The following ZSWIM5 variants were observed in gnomAD, a reference collection of about 807,000 sequenced individuals.
The protein encoded by ZSWIM5 is zinc finger SWIM domain-containing protein 5.
Under a neutral mutation model 119.6 loss-of-function variants are expected in ZSWIM5, and 55 were observed. The ratio of observed to expected loss-of-function variants is 0.46; its 90% CI spans 0.37 to 0.58. ZSWIM5 has a LOEUF of 0.58. Ranked by LOEUF, ZSWIM5 falls within the 20% of genes least tolerant of loss-of-function variation. ZSWIM5 has a pLI of 0.00. For missense variants in ZSWIM5, 1,193 were observed against 1,512.8 expected, an observed-to-expected ratio of 0.79 and a Z score of 3.51; for synonymous variants, 537 against 606.9, an observed-to-expected ratio of 0.88 and a Z score of 1.69.
chr1:45,172,586 G>A (rs1447203432), intron 1 of ZSWIM5, among the ~76,000 whole-genome samples: 1 of 152,022 alleles, frequency 6.6e-6, no homozygotes, highest in Admixed American at 6.6e-5. Flanking sequence ...CCTTAGACAA[G>A]ACAATAACAT....
chr1:45,131,724 C>CAAAAAAAAA, intron 1 of ZSWIM5, among the ~76,000 whole-genome samples: 1 of 74,200 alleles, frequency 1.3e-5, no homozygotes, highest in Non-Finnish European at 2.7e-5. Context: ...GACTCTGTCT[C>CAAAAAAAAA]AAAAAAAAAA....
intron 1 of ZSWIM5, among the ~76,000 whole-genome samples, chr1:45,097,287 C>T (rs1259840561): frequency 6.6e-6 from 1 of 152,188 alleles, no homozygotes; most frequent in African/African-American, 2.4e-5. Context: ...TCTGTTTGGA[C>T]ATGTGTGACA....
At chr1:45,178,201 G>A (rs532524795) in intron 1 of ZSWIM5, among the ~76,000 whole-genome samples, 59 of 152,044 alleles carry the variant, frequency 3.9e-4, no homozygotes, top group African/African-American at 8.2e-4. Context: ...TGAGGCAAGC[G>A]GATCACCTGA....
At chr1:45,096,950 G>A (rs2149015835) in intron 1 of ZSWIM5, among the ~76,000 whole-genome samples, 1 of 152,232 alleles carries the variant, frequency 6.6e-6, no homozygotes, top group South Asian at 2.1e-4. Flanking sequence ...CCTTCAACGT[G>A]CTCCAAGTGC....
intron 2 of ZSWIM5, among the ~76,000 whole-genome samples, chr1:45,079,940 G>T (rs551358229): frequency 6.6e-6 from 1 of 152,214 alleles, no homozygotes; most frequent in African/African-American, 2.4e-5. Context: ...GCCTGGAAAG[G>T]GGGCTTCATG....
intron 4 of ZSWIM5, among the ~76,000 whole-genome samples, 180 bp downstream of exon 4, chr1:45,058,429 T>C (rs1645134888): frequency 6.6e-6 from 1 of 152,218 alleles, no homozygotes; most frequent in African/African-American, 2.4e-5. Flanking sequence ...CAAAGCACAA[T>C]GCTGTGGAAG....
At chr1:45,086,698 G>A (rs1410127413) in intron 2 of ZSWIM5, among the ~76,000 whole-genome samples, 1 of 151,848 alleles carries the variant, frequency 6.6e-6, no homozygotes, top group East Asian at 1.9e-4. Context: ...GAGTTAATGG[G>A]TGCAGCAAAC....
intron 2 of ZSWIM5, among the ~76,000 whole-genome samples, chr1:45,086,238 G>T (rs1645329380): frequency 6.6e-6 from 1 of 152,088 alleles, no homozygotes; most frequent in Non-Finnish European, 1.5e-5. Context: ...GAACAGAGAG[G>T]GGGAAATCTG....
intron 2 of ZSWIM5, among the ~76,000 whole-genome samples, chr1:45,068,903 C>T (rs1645202922): frequency 7.0e-6 from 1 of 142,330 alleles, no homozygotes; most frequent in South Asian, 2.3e-4. Flanking sequence ...TGGGCTCAAG[C>T]AATCCTCTGG....
At chr1:45,115,232 G>GC (rs1645545136) in intron 1 of ZSWIM5, among the ~76,000 whole-genome samples, 2 of 150,842 alleles carry the variant, frequency 1.3e-5, no homozygotes, top group Non-Finnish European at 1.5e-5. Flanking sequence ...AGGCAGAGGT[G>GC]CCCCCCACCT....
At chr1:45,136,249 TC>T (rs1471105151) in intron 1 of ZSWIM5, among the ~76,000 whole-genome samples, 12 of 152,098 alleles carry the variant, frequency 7.9e-5, no homozygotes, top group Non-Finnish European at 1.2e-4. Flanking sequence ...AACTAACACT[TC>T]CTTTCAGCCA....
intron 2 of ZSWIM5, among the ~76,000 whole-genome samples, chr1:45,083,788 T>C (rs112394490): frequency 8.5e-5 from 13 of 152,272 alleles, no homozygotes; most frequent in East Asian, 1.9e-4. Flanking sequence ...TTCCACAAGA[T>C]GTGCAGGAAA....
intron 2 of ZSWIM5, among the ~76,000 whole-genome samples, chr1:45,079,175 A>G (rs1314900011): frequency 6.6e-6 from 1 of 151,984 alleles, no homozygotes; most frequent in Non-Finnish European, 1.5e-5. Context: ...CAGCCAGAGA[A>G]CAACCCCCTT....
intron 1 of ZSWIM5, among the ~76,000 whole-genome samples, chr1:45,129,589 A>G (rs1210816680): frequency 6.6e-6 from 1 of 152,174 alleles, no homozygotes; most frequent in Non-Finnish European, 1.5e-5. Flanking sequence ...TAGGAAAGCA[A>G]TTGACTTTCA....
intron 2 of ZSWIM5, among the ~76,000 whole-genome samples, chr1:45,067,844 T>C (rs545445207): frequency 3.3e-5 from 5 of 152,366 alleles, no homozygotes; most frequent in South Asian, 4.1e-4. Flanking sequence ...TGAAACCACT[T>C]ATCTTTAGTA....
At chr1:45,151,046 C>T (rs945329708) in intron 1 of ZSWIM5, among the ~76,000 whole-genome samples, 1 of 152,162 alleles carries the variant, frequency 6.6e-6, no homozygotes, top group African/African-American at 2.4e-5. Flanking sequence ...TGCCCTGTCA[C>T]TCCAAGGAGT....
chr1:45,084,118 C>A (rs568112844), intron 2 of ZSWIM5, among the ~76,000 whole-genome samples: 3 of 152,196 alleles, frequency 2.0e-5, no homozygotes, highest in South Asian at 2.1e-4. Context: ...CCATGTTTCC[C>A]GGGCTGGTCT....
intron 1 of ZSWIM5, among the ~76,000 whole-genome samples, chr1:45,143,171 C>CAAAAA (rs60638239): frequency 5.0e-5 from 3 of 60,572 alleles, no homozygotes; most frequent in East Asian, 4.9e-4. Context: ...GACTCTGTCT[C>CAAAAA]AAAAAAAAAA....
chr1:45,128,293 A>G (rs562868873), intron 1 of ZSWIM5, among the ~76,000 whole-genome samples: 1 of 152,266 alleles, frequency 6.6e-6, no homozygotes, highest in African/African-American at 2.4e-5. Flanking sequence ...CCCTGGGCTC[A>G]AGCAATCCTC....
Sources: gnomAD v4.1 joint callset for allele counts (sites outside exome capture counted in the v4.1 genomes callset) on GRCh38, gnomAD v4.1.1 for gene constraint, MANE v1.5 for transcripts, NCBI Gene and HGNC (gene_info 2026-07-23, HGNC 2026-07-21) for gene names.